The following GPM6A variants were observed in gnomAD, a reference collection of about 807,000 sequenced individuals.
GPM6A encodes glycoprotein M6A.
In GPM6A, 7 loss-of-function variants were observed where a neutral mutation model predicts 32.1. That is an observed-to-expected ratio of 0.22 (90% confidence interval 0.12 to 0.41). GPM6A has a LOEUF of 0.41. Ranked by LOEUF, GPM6A falls within the 10% of genes least tolerant of loss-of-function variation. The probability of loss-of-function intolerance (pLI) is 1.00; values close to 1 mark genes in which losing one functional copy is unlikely to be tolerated. For missense variants in GPM6A, 235 were observed against 347.2 expected, an observed-to-expected ratio of 0.68 and a Z score of 2.57; for synonymous variants, 130 against 123.4, an observed-to-expected ratio of 1.05 and a Z score of -0.35.
intron 1 of GPM6A, among the ~76,000 whole-genome samples, chr4:175,799,558 C>T (rs1734378298): frequency 6.6e-6 from 1 of 151,838 alleles, no homozygotes; most frequent in African/African-American, 2.4e-5. Context: ...AGTAGTATTG[C>T]TATTTTTATG....
chr4:175,818,974 T>C (rs1735196120), intron 1 of GPM6A, among the ~76,000 whole-genome samples: 1 of 152,220 alleles, frequency 6.6e-6, no homozygotes, highest in Non-Finnish European at 1.5e-5. Context: ...ACTTACCCTT[T>C]TATAGAAAGA....
At position 175,656,346 on chromosome 4, in the gene GPM6A, G is replaced by A. The variant is rs151191882; in HGVS notation, c.388-4359C>T. Among the ~76,000 whole-genome samples, 36 of 152,122 alleles carry A rather than the reference G, an allele frequency of 2.4e-4. No individual in the cohort carries two copies. In the East Asian group the frequency reaches 6.7e-3, roughly 29 times the overall value. ...TTTCATCAGAACATGCAAATGTCTG[G>A]CAAAACAAGCATCCTCCTACTATAT... On this transcript the variant is annotated intron_variant, in intron 3 of 6. Coordinates refer to ENST00000393658, the MANE Select transcript of GPM6A (RefSeq NM_201591.3).
At chr4:175,695,159 A>G (rs1200160465) in intron 2 of GPM6A, among the ~76,000 whole-genome samples, 4 of 152,230 alleles carry the variant, frequency 2.6e-5, no homozygotes, top group Non-Finnish European at 4.4e-5. Context: ...AGCCTGCTTC[A>G]GAGTTGGAGC....
Position 175,925,884 on chromosome 4 carries a change from T to C in GPM6A, c.-23+76425A>G, listed in dbSNP as rs368660681. On this transcript the variant is annotated intron_variant, in intron 1 of 7. Coordinates refer to the GPM6A transcript ENST00000280187. ...TTTTTTTCTTTGAGAGAGAGTCTCA[T>C]TCTGTCATCCAGGCTGAAGTGCAAT... 1.6e-4 allele frequency among the ~76,000 whole-genome samples: 24 copies of C among 149,686 alleles called. 1 individual carries two copies. Among genetic ancestry groups the C allele is most frequent in the African/African-American group, 3.2e-4 (13 of 40,628 alleles).
intron 1 of GPM6A, among the ~76,000 whole-genome samples, chr4:175,879,729 C>A (rs1197030438): frequency 1.3e-5 from 2 of 152,042 alleles, no homozygotes; most frequent in East Asian, 3.9e-4. Flanking sequence ...GGCAAAATGG[C>A]CTTCTTCCCT....
At chr4:175,655,053 G>A (rs989034351) in intron 3 of GPM6A, among the ~76,000 whole-genome samples, 5 of 152,078 alleles carry the variant, frequency 3.3e-5, no homozygotes, top group African/African-American at 1.2e-4. Context: ...TGTTGTTACT[G>A]CTACTTTACA....
intron 1 of GPM6A, among the ~76,000 whole-genome samples, chr4:175,891,987 T>C (rs1737662991): frequency 6.6e-6 from 1 of 152,230 alleles, no homozygotes; most frequent in Admixed American, 6.5e-5. Context: ...TTTTGCCCGT[T>C]GTTATCTTGC....
At position 175,651,959 on chromosome 4, in the gene GPM6A, A is replaced by G; in HGVS notation, c.416T>C (p.Leu139Ser). The G allele has an allele frequency of 6.2e-7, 1 of 1,613,198 alleles. No individual in the cohort carries two copies. Among genetic ancestry groups the G allele is most frequent in the Non-Finnish European group, 8.5e-7 (1 of 1,179,494 alleles). ...GAAAGCCGTGACTCCCAGCCAGGCC[A>G]ACATGAAAAGATATGTCAGCATAAT... is the stretch of plus-strand genomic sequence containing the variant. ...WFIMLTYLFM[L>S]AWLGVTAFTS... The change falls in exon 4 of 7, where the codon TTG (leucine) becomes TCG (serine). Residue 139 changes from leucine to serine, a missense_variant. By Grantham distance (145) the Leu-to-Ser change is moderately radical. This residue lies in a region of GPM6A where 107 missense variants were observed against 116.7 expected (regional missense o/e 0.92). Transcript: ENST00000393658.
chr4:175,637,697 AT>A (rs1392194511), intron 6 of GPM6A, among the ~76,000 whole-genome samples: 2 of 1,860 alleles, frequency 1.1e-3, no homozygotes, highest in Non-Finnish European at 3.0e-3. Flanking sequence ...TATATAATAT[AT>A]TATATATTAT....
At chr4:175,847,348 T>A (rs992186171) in intron 1 of GPM6A, among the ~76,000 whole-genome samples, 1 of 152,160 alleles carries the variant, frequency 6.6e-6, no homozygotes, top group African/African-American at 2.4e-5. Flanking sequence ...CCAAAAATAT[T>A]AAATGGAAAA....
At chr4:175,912,002 C>A (rs1738335897) in intron 1 of GPM6A, among the ~76,000 whole-genome samples, 1 of 152,056 alleles carries the variant, frequency 6.6e-6, no homozygotes, top group Admixed American at 6.5e-5. Flanking sequence ...GTGGCTATAT[C>A]TATACAGATT....
chr4:175,992,644 T>C (rs940482763), intron 1 of GPM6A, among the ~76,000 whole-genome samples: 1 of 152,196 alleles, frequency 6.6e-6, no homozygotes, highest in Non-Finnish European at 1.5e-5. Context: ...GTGTAGTGAT[T>C]ATTTAAGCAC....
chr4:176,001,281 T>C (rs1329767878), intron 1 of GPM6A, among the ~76,000 whole-genome samples: 1 of 152,148 alleles, frequency 6.6e-6, no homozygotes, highest in Non-Finnish European at 1.5e-5. Context: ...CCCAGTGGAC[T>C]TGGCTGGAAG....
intron 1 of GPM6A, among the ~76,000 whole-genome samples, chr4:175,955,683 T>C (rs917328869): frequency 2.0e-5 from 3 of 152,186 alleles, no homozygotes; most frequent in African/African-American, 7.2e-5. Flanking sequence ...TAATAAGGAA[T>C]AACTTCATTC....
At chr4:175,757,225 C>T (rs978993126) in intron 1 of GPM6A, among the ~76,000 whole-genome samples, 4 of 152,006 alleles carry the variant, frequency 2.6e-5, no homozygotes, top group Admixed American at 1.3e-4. Flanking sequence ...CAGGCATTCC[C>T]GTCTAAACAC....
intron 2 of GPM6A, among the ~76,000 whole-genome samples, chr4:175,684,783 G>A (rs947696624): frequency 2.0e-5 from 3 of 151,988 alleles, no homozygotes; most frequent in Non-Finnish European, 2.9e-5. Context: ...GGGGCTTTAC[G>A]TATGTCTTAA....
intron 1 of GPM6A, among the ~76,000 whole-genome samples, chr4:175,810,555 A>G (rs1734878481): frequency 6.6e-6 from 1 of 152,124 alleles, no homozygotes; most frequent in Non-Finnish European, 1.5e-5. Flanking sequence ...AACTAATTAC[A>G]TCATTTTTCT....
At chr4:175,897,756 A>C (rs532550246) in intron 1 of GPM6A, among the ~76,000 whole-genome samples, 6 of 152,286 alleles carry the variant, frequency 3.9e-5, no homozygotes, top group Admixed American at 2.0e-4. Flanking sequence ...AGAAATTTTA[A>C]AATGTGTCTA....
intron 1 of GPM6A, among the ~76,000 whole-genome samples, chr4:175,804,007 T>C (rs973280976): frequency 6.6e-6 from 1 of 152,132 alleles, no homozygotes; most frequent in Non-Finnish European, 1.5e-5. Context: ...AAATAACGTC[T>C]CTGAGACAAT....
Sources: gnomAD v4.1 joint callset for allele counts (sites outside exome capture counted in the v4.1 genomes callset) on GRCh38, gnomAD v4.1.1 for gene constraint, gnomAD v4.1.1 regional missense constraint, MANE v1.5 for transcripts, NCBI Gene and HGNC (gene_info 2026-07-23, HGNC 2026-07-21) for gene names.